Variants in FRMPD4 observed in about 807,000 individuals in gnomAD.
The protein encoded by FRMPD4 is FERM and PDZ domain containing 4.
Under a neutral mutation model 94.1 loss-of-function variants are expected in FRMPD4, and 22 were observed. The observed-to-expected ratio is 0.23, with a 90% CI of 0.17 to 0.33. The LOEUF is 0.33. FRMPD4 is among the 10% of genes least tolerant of loss of function. The pLI is 1.00. For synonymous variants in FRMPD4, 631 were observed against 548.6 expected (o/e 1.15, Z -2.10); for missense variants, 1,111 against 1,339.9 (o/e 0.83, Z 2.67).
chrX:12,289,514 A>G (rs1199134682), intron 1 of FRMPD4, among the ~76,000 whole-genome samples: 1 of 112,028 alleles, frequency 8.9e-6, no homozygotes, highest in Admixed American at 9.5e-5. Flanking sequence ...ATGCAGATAG[A>G]ACATTTCCCT....
chrX:12,370,328 C>G (rs73632683), intron 1 of FRMPD4, among the ~76,000 whole-genome samples: 4,926 of 111,900 alleles, frequency 0.044, 262 homozygotes, highest in African/African-American at 0.15. Flanking sequence ...AAACAAGAAA[C>G]AAATATAAAA....
intron 1 of FRMPD4, among the ~76,000 whole-genome samples, chrX:12,441,167 C>T (rs1417640812): frequency 8.9e-6 from 1 of 111,818 alleles, no homozygotes; most frequent in Non-Finnish European, 1.9e-5. Context: ...AATCGCCAGC[C>T]CTTGCAGGAC....
At chrX:12,180,662 G>A (rs1490708715) in intron 1 of FRMPD4, among the ~76,000 whole-genome samples, 2 of 112,584 alleles carry the variant, frequency 1.8e-5, no homozygotes, top group Non-Finnish European at 3.8e-5. Context: ...GTTTAAATCA[G>A]AGGTTGATAA....
chrX:12,099,835 G>A (rs1601938032), intron 3 of FRMPD4, among the ~76,000 whole-genome samples: 1 of 112,542 alleles, frequency 8.9e-6, no homozygotes, highest in South Asian at 3.7e-4. Context: ...CAGGCCTACC[G>A]CTTATAAGCT....
intron 8 of FRMPD4, among the ~76,000 whole-genome samples, 194 bp downstream of exon 8, chrX:12,690,520 A>T (rs1179846802): frequency 1.8e-5 from 2 of 112,146 alleles, no homozygotes; most frequent in Non-Finnish European, 3.8e-5. Flanking sequence ...CATCTTTTGC[A>T]GACTGTCAGT....
chrX:12,063,703 AG>A (rs777226531), intron 3 of FRMPD4, among the ~76,000 whole-genome samples: 2 of 112,309 alleles, frequency 1.8e-5, no homozygotes, highest in Non-Finnish European at 3.8e-5. Context: ...AAGTGAGCCA[AG>A]CTTGCAGCAC....
chrX:12,188,963 C>T (rs925763082), intron 1 of FRMPD4, among the ~76,000 whole-genome samples: 1 of 111,226 alleles, frequency 9.0e-6, no homozygotes, highest in African/African-American at 3.3e-5. Flanking sequence ...AAATTGAAAA[C>T]AGGAAATCAA....
intron 1 of FRMPD4, among the ~76,000 whole-genome samples, chrX:11,844,456 G>A (rs1260743139): frequency 2.7e-5 from 3 of 110,685 alleles, no homozygotes; most frequent in Admixed American, 9.7e-5. Context: ...TTAATTTTAT[G>A]TGACACCTTG....
At chrX:12,170,029 C>A (rs1039139763) in intron 1 of FRMPD4, among the ~76,000 whole-genome samples, 1 of 111,519 alleles carries the variant, frequency 9.0e-6, no homozygotes, top group Admixed American at 9.5e-5. Flanking sequence ...CATAATTTTC[C>A]GCAAAATATT....
At chrX:12,007,144 A>G (rs2028055) in intron 3 of FRMPD4, among the ~76,000 whole-genome samples, 9,631 of 111,307 alleles carry the variant, frequency 0.087, 354 homozygotes, top group East Asian at 0.24. Flanking sequence ...CTGTCACTGG[A>G]AACACCCATT....
At chrX:12,451,626 C>CTGTT (rs933368106) in intron 1 of FRMPD4, among the ~76,000 whole-genome samples, 1 of 111,384 alleles carries the variant, frequency 9.0e-6, no homozygotes, top group African/African-American at 3.3e-5. Context: ...AGTTTTCAGG[C>CTGTT]TGTTAGCACA....
rs1828141543 is a variant in FRMPD4 at position 12,721,667 on chromosome X, C to T, written c.5098C>T (p.Gln1700Ter). The T allele has an allele frequency of 1.3e-6, 1 of 750,421 alleles. No individual in the cohort carries two copies. Among genetic ancestry groups the T allele is most frequent in the African/African-American group, 2.3e-5 (1 of 42,971 alleles). The allele number at this position is 750,421 out of a possible 1,213,427, so 61.8% of individuals were successfully genotyped here. Residue 1700 changes from glutamine to a stop codon, truncating the protein, a stop_gained, in exon 17 of 17, where the codon CAG becomes TAG. Transcript: ENST00000675598. LOFTEE classifies it high-confidence loss of function. Reference sequence around the variant, plus strand: ...AGTTAAAGTCGTGAACTCAGAAACACAGCGGCAGGAAATTGTAGGGAAGAT... The same window carrying T: ...AGTTAAAGTCGTGAACTCAGAAACATAGCGGCAGGAAATTGTAGGGAAGAT... Reference protein sequence around the residue: ...RLVKVVNSETQRQEIVGKIDE... With the variant: ...RLVKVVNSET
At chrX:12,048,745 C>T (rs2054799972) in intron 3 of FRMPD4, among the ~76,000 whole-genome samples, 1 of 111,489 alleles carries the variant, frequency 9.0e-6, no homozygotes, top group African/African-American at 3.3e-5. Flanking sequence ...AATAGGGAGT[C>T]CTTTCTACAC....
intron 4 of FRMPD4, among the ~76,000 whole-genome samples, chrX:12,621,885 GGAAGT>G (rs2059292228): frequency 2.5e-5 from 2 of 79,997 alleles, no homozygotes; most frequent in Non-Finnish European, 4.8e-5. Context: ...GGAAGGGAAG[GGAAGT>G]GAAGGGAAGG....
chrX:12,053,350 G>GGAAA (rs2054830037), intron 3 of FRMPD4, among the ~76,000 whole-genome samples: 1 of 61,393 alleles, frequency 1.6e-5, no homozygotes, highest in Non-Finnish European at 3.1e-5. Flanking sequence ...AAGAAAGAAA[G>GGAAA]GAAAGAAAGA....
In FRMPD4 at chrX:12,266,160, A is replaced by AAG. The variant is rs1555943678; in HGVS notation, c.41+127152_41+127153dup. 6.3e-3 allele frequency among the ~76,000 whole-genome samples: 656 copies of AAG among 103,711 alleles called. 28 individuals are homozygous for AAG. The highest frequency in any genetic ancestry group is 0.024 in the African/African-American group (626 of 26,574). The allele number at this position is 103,711 out of a possible 115,157, so 90.1% of individuals were successfully genotyped here. ...AAAAAAAAAAAAAAAAAAAAAAAAA[A>AAG]AGAGAAAACAAAAAATGAACAGGCC... On this transcript the variant is annotated intron_variant, in intron 1 of 16. Transcript: ENST00000675598.
intron 3 of FRMPD4, among the ~76,000 whole-genome samples, chrX:11,932,001 G>T (rs981614834): frequency 1.8e-5 from 2 of 111,947 alleles, no homozygotes; most frequent in African/African-American, 3.2e-5. Flanking sequence ...ATTGGAAAAA[G>T]AAATGCTTCA....
chrX:11,876,810 T>A (rs970415126), intron 2 of FRMPD4, among the ~76,000 whole-genome samples: 3 of 112,682 alleles, frequency 2.7e-5, no homozygotes, highest in African/African-American at 9.7e-5. Flanking sequence ...TCCTCCTGTC[T>A]TGAACAACTT....
At chrX:12,200,234 A>G (rs1377922971) in intron 1 of FRMPD4, among the ~76,000 whole-genome samples, 1 of 111,928 alleles carries the variant, frequency 8.9e-6, no homozygotes, top group Non-Finnish European at 1.9e-5. Context: ...TTTGTTTCAA[A>G]GTTAAACTAT....
Sources: gnomAD v4.1 joint callset for allele counts (sites outside exome capture counted in the v4.1 genomes callset) on GRCh38, gnomAD v4.1.1 for gene constraint, MANE v1.5 for transcripts, NCBI Gene and HGNC (gene_info 2026-07-23, HGNC 2026-07-21) for gene names.